CNGB3: variants seen among roughly 807,000 people sequenced by gnomAD.
CNGB3 encodes cyclic nucleotide gated channel subunit beta 3.
Under a neutral mutation model 92.8 loss-of-function variants are expected in CNGB3, and 86 were observed. The ratio of observed to expected loss-of-function variants is 0.93; its 90% CI spans 0.78 to 1.11. The LOEUF is 1.11. Ranked by LOEUF, CNGB3 falls within the 50% of genes least tolerant of loss-of-function variation. The probability of loss-of-function intolerance (pLI) is 0.00; values close to 1 mark genes in which losing one functional copy is unlikely to be tolerated. For missense variants in CNGB3, 1,026 were observed against 956.8 expected (o/e 1.07, Z -0.95); for synonymous variants, 333 against 332.7 (o/e 1.00, Z -0.01).
rs530111785 is a variant in CNGB3 at position 86,683,976 on chromosome 8, A to G, written c.339-12878T>C. ...AATACAGTCCATGAAAGCAAAAATC[A>G]ATCAGATTGCACTTGATCAAAATGG... On this transcript the variant is annotated intron_variant, in intron 3 of 17. Coordinates refer to ENST00000320005, the MANE Select transcript of CNGB3 (RefSeq NM_019098.5). Among the ~76,000 whole-genome samples, 18 of 152,282 alleles carry G rather than the reference A, an allele frequency of 1.2e-4. No homozygotes were observed. The South Asian group carries it at 3.7e-3, about 32-fold the overall frequency.
At chr8:86,616,231 G>A (rs1822619729) in intron 13 of CNGB3, among the ~76,000 whole-genome samples, 1 of 152,244 alleles carries the variant, frequency 6.6e-6, no homozygotes, top group Admixed American at 6.5e-5. Context: ...ATCAAGTCAT[G>A]CAAACTGAAT....
intron 15 of CNGB3, chr8:86,593,671 T>C: frequency 1.7e-6 from 1 of 604,428 alleles, no homozygotes; most frequent in Non-Finnish European, 3.0e-6. Context: ...GGTGTCTGTC[T>C]GCCCACAGCC....
intron 3 of CNGB3, among the ~76,000 whole-genome samples, chr8:86,682,480 G>A (rs915989354): frequency 6.6e-6 from 1 of 152,160 alleles, no homozygotes; most frequent in Non-Finnish European, 1.5e-5. Context: ...GGGGATTGTA[G>A]AAGTACTTCA....
At chr8:86,677,300 A>G (rs1823994994) in intron 3 of CNGB3, among the ~76,000 whole-genome samples, 1 of 152,246 alleles carries the variant, frequency 6.6e-6, no homozygotes, top group South Asian at 2.1e-4. Flanking sequence ...GATAATTATG[A>G]TAACATATGG....
intron 2 of CNGB3, among the ~76,000 whole-genome samples, chr8:86,731,863 T>C (rs1213022462): frequency 1.3e-5 from 2 of 152,162 alleles, no homozygotes; most frequent in Non-Finnish European, 2.9e-5. Context: ...AGAAAATGTA[T>C]ATTAACTCTT....
At chr8:86,660,887 C>T (rs1563745028) in intron 6 of CNGB3, 1 of 370,792 alleles carries the variant, frequency 2.7e-6, no homozygotes, top group South Asian at 2.2e-5. Context: ...AAGGCAATAA[C>T]ATTCTTCCCA....
chr8:86,679,315 T>G (rs923031175), intron 3 of CNGB3, among the ~76,000 whole-genome samples: 2 of 152,188 alleles, frequency 1.3e-5, no homozygotes, highest in African/African-American at 4.8e-5. Context: ...TTATTGATGT[T>G]TTCTTTATTT....
chr8:86,592,121 C>T (rs973284603), intron 15 of CNGB3, among the ~76,000 whole-genome samples: 2 of 152,228 alleles, frequency 1.3e-5, no homozygotes, highest in African/African-American at 4.8e-5. Context: ...CGTCCGTCAC[C>T]CCTTTCTTTG....
At chr8:86,600,546 T>C (rs1450805154) in intron 15 of CNGB3, among the ~76,000 whole-genome samples, 1 of 152,110 alleles carries the variant, frequency 6.6e-6, no homozygotes. Flanking sequence ...AAATCACCAC[T>C]TAGTATATAG....
chr8:86,589,682 C>T (rs1004476742), intron 15 of CNGB3, among the ~76,000 whole-genome samples: 2 of 152,148 alleles, frequency 1.3e-5, no homozygotes, highest in Non-Finnish European at 2.9e-5. Flanking sequence ...GTTCTAGTTT[C>T]ATTGAACTGT....
chr8:86,611,794 G>T (rs1183117629), intron 13 of CNGB3, 123 bp from the exon 14 acceptor site: 35 of 752,830 alleles, frequency 4.6e-5, no homozygotes, highest in South Asian at 4.4e-4. Flanking sequence ...AATATTAACT[G>T]CCAATGGCTA....
chr8:86,697,430 GAGTCTGTA>G (rs1824469905), intron 3 of CNGB3, among the ~76,000 whole-genome samples: 1 of 152,118 alleles, frequency 6.6e-6, no homozygotes, highest in Non-Finnish European at 1.5e-5. Flanking sequence ...TCTTAATACA[GAGTCTGTA>G]GTTATGTCAT....
intron 10 of CNGB3, among the ~76,000 whole-genome samples, chr8:86,635,768 A>G (rs1055024709): frequency 1.4e-4 from 21 of 147,454 alleles, no homozygotes; most frequent in Non-Finnish European, 2.8e-4. Context: ...GGCTGGATTA[A>G]CACATGAAGT....
At chr8:86,659,137 C>T in intron 6 of CNGB3, 1 of 710,760 alleles carries the variant, frequency 1.4e-6, no homozygotes, top group Non-Finnish European at 2.5e-6. Flanking sequence ...AGCTCCTGTA[C>T]CCGAGTCATG....
chr8:86,614,057 G>A (rs1420478548), intron 13 of CNGB3, among the ~76,000 whole-genome samples: 2 of 151,428 alleles, frequency 1.3e-5, no homozygotes, highest in Admixed American at 6.6e-5. Flanking sequence ...TGTGTGTATA[G>A]TAAATTCTTA....
At chr8:86,703,194 A>T (rs1489176501) in intron 3 of CNGB3, among the ~76,000 whole-genome samples, 2 of 152,082 alleles carry the variant, frequency 1.3e-5, no homozygotes, top group African/African-American at 4.8e-5. Flanking sequence ...TACTTAAAAC[A>T]AGACTAATTA....
chr8:86,738,797 C>T (rs1281954453), intron 2 of CNGB3, among the ~76,000 whole-genome samples: 1 of 146,108 alleles, frequency 6.8e-6, no homozygotes, highest in African/African-American at 2.6e-5. Context: ...GCCGAGATTA[C>T]GTCACTGCAC....
intron 10 of CNGB3, among the ~76,000 whole-genome samples, chr8:86,638,010 C>T (rs891998944): frequency 1.3e-5 from 2 of 152,064 alleles, no homozygotes; most frequent in African/African-American, 4.8e-5. Context: ...ATGTCTTTTA[C>T]TCAGTATGGT....
At chr8:86,635,979 G>C (rs1186591978) in intron 10 of CNGB3, among the ~76,000 whole-genome samples, 1 of 150,410 alleles carries the variant, frequency 6.6e-6, no homozygotes, top group African/African-American at 2.4e-5. Context: ...AACATAACAT[G>C]CAATTTCCCC....
Sources: gnomAD v4.1 joint callset for allele counts (sites outside exome capture counted in the v4.1 genomes callset) on GRCh38, gnomAD v4.1.1 for gene constraint, MANE v1.5 for transcripts, NCBI Gene and HGNC (gene_info 2026-07-23, HGNC 2026-07-21) for gene names.